RORA: variants seen among roughly 807,000 people sequenced by gnomAD.
RORA encodes the protein nuclear receptor ROR-alpha.
Under a neutral mutation model 69.5 loss-of-function variants are expected in RORA, and 7 were observed. The ratio of observed to expected loss-of-function variants is 0.10; its 90% CI spans 0.06 to 0.19. The LOEUF (loss-of-function observed/expected upper bound fraction) is 0.19, where lower values mean the gene tolerates loss of function less well. Ranked by LOEUF, RORA falls within the 10% of genes least tolerant of loss-of-function variation. The pLI is 1.00. For synonymous variants in RORA, 261 were observed against 240.8 expected (o/e 1.08, Z -0.78); for missense variants, 457 against 663.0 (o/e 0.69, Z 3.41).
intron 1 of RORA, among the ~76,000 whole-genome samples, chr15:61,054,261 G>A (rs2078058364): frequency 6.6e-6 from 1 of 151,154 alleles, no homozygotes; most frequent in Non-Finnish European, 1.5e-5. Context: ...GGTAATGTGA[G>A]GAACAGAAAG....
intron 1 of RORA, among the ~76,000 whole-genome samples, chr15:60,749,319 T>C (rs1180079440): frequency 6.6e-6 from 1 of 152,228 alleles, no homozygotes; most frequent in East Asian, 1.9e-4. Flanking sequence ...ATGTAAAACT[T>C]AACGTAGCCT....
At chr15:61,045,534 G>A (rs968695369) in intron 1 of RORA, among the ~76,000 whole-genome samples, 3 of 152,174 alleles carry the variant, frequency 2.0e-5, no homozygotes, top group African/African-American at 7.2e-5. Context: ...GGTGGGGAAG[G>A]TGAGTACTCT....
At chr15:61,060,900 G>T (rs542408434) in intron 1 of RORA, among the ~76,000 whole-genome samples, 39 of 152,286 alleles carry the variant, frequency 2.6e-4, no homozygotes, top group Non-Finnish European at 5.0e-4. Flanking sequence ...TTTGCACTGG[G>T]CCACGTTCAA....
At chr15:60,912,922 A>G (rs1376182384) in intron 1 of RORA, among the ~76,000 whole-genome samples, 1 of 152,234 alleles carries the variant, frequency 6.6e-6, no homozygotes, top group African/African-American at 2.4e-5. Flanking sequence ...TCCACACATT[A>G]TAAGCATCCA....
chr15:60,679,818 C>T (rs146717566), intron 1 of RORA, among the ~76,000 whole-genome samples: 3 of 152,148 alleles, frequency 2.0e-5, no homozygotes, highest in Non-Finnish European at 2.9e-5. Flanking sequence ...CTTGCTCCCC[C>T]CAACACTTTC....
chr15:60,980,253 C>T (rs1290124700), intron 1 of RORA, among the ~76,000 whole-genome samples: 2 of 152,096 alleles, frequency 1.3e-5, no homozygotes, highest in African/African-American at 2.4e-5. Context: ...ATGTCCAGCC[C>T]TTCTAATATG....
chr15:61,064,947 C>T (rs1022758116), intron 1 of RORA, among the ~76,000 whole-genome samples: 9 of 152,180 alleles, frequency 5.9e-5, no homozygotes, highest in African/African-American at 2.2e-4. Context: ...CCCCATCTCC[C>T]AGCAACAGAG....
At chr15:61,205,358 G>A (rs1024036779) in intron 1 of RORA, among the ~76,000 whole-genome samples, 11 of 152,154 alleles carry the variant, frequency 7.2e-5, no homozygotes, top group Non-Finnish European at 1.3e-4. Context: ...GGGTCCTGCC[G>A]TGTCATAAAC....
chr15:61,190,368 C>T (rs1019169160), intron 1 of RORA, among the ~76,000 whole-genome samples: 2 of 152,158 alleles, frequency 1.3e-5, no homozygotes, highest in Non-Finnish European at 2.9e-5. Context: ...TGCATAGAAA[C>T]TAAAGTGATA....
At chr15:61,026,858 C>T (rs549416463) in intron 1 of RORA, among the ~76,000 whole-genome samples, 1 of 152,204 alleles carries the variant, frequency 6.6e-6, no homozygotes, top group Non-Finnish European at 1.5e-5. Flanking sequence ...GCCTTTAACA[C>T]CTTATGGGAG....
intron 1 of RORA, among the ~76,000 whole-genome samples, chr15:61,201,303 C>T (rs895702966): frequency 3.9e-5 from 6 of 152,180 alleles, no homozygotes; most frequent in East Asian, 1.9e-4. Flanking sequence ...AAGAATTACA[C>T]GCAGTTTCTT....
intron 2 of RORA, among the ~76,000 whole-genome samples, chr15:60,669,858 G>A (rs2070438126): frequency 6.6e-6 from 1 of 152,170 alleles, no homozygotes; most frequent in African/African-American, 2.4e-5. Context: ...TTCCTCAAAT[G>A]TGTGTGTCCT....
intron 1 of RORA, among the ~76,000 whole-genome samples, chr15:61,089,718 C>G (rs575547491): frequency 1.3e-5 from 2 of 152,126 alleles, no homozygotes; most frequent in Admixed American, 1.3e-4. Flanking sequence ...TGGTGGAGAA[C>G]AGACCTATCC....
intron 1 of RORA, among the ~76,000 whole-genome samples, chr15:61,146,847 A>G (rs1280361442): frequency 1.3e-5 from 2 of 152,210 alleles, no homozygotes; most frequent in Non-Finnish European, 2.9e-5. Context: ...CATTGGTTAG[A>G]CACCCAAGCG....
chr15:60,627,305 G>A lies in RORA; in HGVS notation c.196+51352C>T, dbSNP rs540050181. On this transcript the variant is annotated intron_variant, in intron 2 of 10. Transcript: ENST00000335670. ...CTGGCCTGTCCAGTTCGAAGACAAT[G>A]ACCCATGATTGACCACGGCACTCTT... 7 of 1,614,168 alleles carry A rather than the reference G, an allele frequency of 4.3e-6. No homozygotes were observed. In the South Asian group the frequency reaches 5.5e-5, roughly 13 times the overall value.
chr15:60,613,721 TGTGTGTGTGTGTGTGTGTGTTA>T (rs1446711023), intron 2 of RORA, among the ~76,000 whole-genome samples: 1 of 149,942 alleles, frequency 6.7e-6, no homozygotes, highest in Non-Finnish European at 1.5e-5. Context: ...TGTGTGTGTG[TGTGTGTGTGTGTGTGTGTGTTA>T]GGATTACAGC....
rs1567050940 is a variant in RORA, at chr15:60,515,963, TTATATATATTTATATATTTA to T, written c.283-1226_283-1207del. On this transcript the variant is annotated intron_variant, in intron 3 of 10. Coordinates refer to ENST00000335670, the MANE Select transcript of RORA (RefSeq NM_134261.3). ...TTTATATATATTTATATATTTATATTTATATATATTTATATATTTATATATATTTATATATATTTATATAT... is the reference window on the plus strand; with the variant it reads ...TTTATATATATTTATATATTTATATTTATATATTTATATATATTTATATAT... Among the ~76,000 whole-genome samples the T allele has an allele frequency of 1.8e-4, 2 of 10,904 alleles. 1 individual carries two copies. The highest frequency in any genetic ancestry group is 6.7e-4 in the African/African-American group (2 of 2,986). 7.2% of individuals were successfully genotyped at this position (10,904 alleles called of 152,430 possible). A position where few individuals can be genotyped will look rare whatever the true frequency, so the allele number is the denominator to read the frequency against.
intron 2 of RORA, among the ~76,000 whole-genome samples, chr15:60,569,372 T>A (rs1195467410): frequency 6.6e-6 from 1 of 150,980 alleles, no homozygotes; most frequent in Non-Finnish European, 1.5e-5. Context: ...CAGGTTACAG[T>A]GAGCTATGAT....
chr15:60,636,807 T>A (rs1318566406), intron 2 of RORA, among the ~76,000 whole-genome samples: 1 of 152,218 alleles, frequency 6.6e-6, no homozygotes, highest in Non-Finnish European at 1.5e-5. Context: ...TTTTTTCGTA[T>A]GCTTTTAAAA....
Sources: allele counts gnomAD v4.1 joint callset (sites outside exome capture counted in the v4.1 genomes callset), GRCh38; gene constraint gnomAD v4.1.1; transcripts MANE v1.5; gene names NCBI Gene and HGNC (gene_info 2026-07-23, HGNC 2026-07-21).